PLA2R1: variants seen among roughly 807,000 people sequenced by gnomAD.
PLA2R1 encodes the protein secretory phospholipase A2 receptor.
A neutral mutation model predicts 195.9 loss-of-function variants in PLA2R1; 158 were observed. That is an observed-to-expected ratio of 0.81 (90% CI 0.71 to 0.92). The LOEUF is 0.92. PLA2R1 is among the 40% of genes least tolerant of loss of function. The pLI, the probability that PLA2R1 is intolerant of heterozygous loss-of-function variation, is 0.00. For synonymous variants in PLA2R1, 586 were observed against 598.2 expected, an observed-to-expected ratio of 0.98 and a Z score of 0.30; for missense variants, 1,626 against 1,764.6, an observed-to-expected ratio of 0.92 and a Z score of 1.41.
intron 10 of PLA2R1, among the ~76,000 whole-genome samples, chr2:160,011,094 G>T (rs1041704386): frequency 6.6e-6 from 1 of 152,184 alleles, no homozygotes; most frequent in African/African-American, 2.4e-5. Flanking sequence ...GTTTACCAGA[G>T]AAAACATTTA....
chr2:160,035,668 G>T (rs906163781), intron 3 of PLA2R1, among the ~76,000 whole-genome samples: 3 of 152,282 alleles, frequency 2.0e-5, no homozygotes, highest in East Asian at 3.9e-4. Context: ...TGTGATGAGA[G>T]ATTACCAGAA....
chr2:159,994,603 T>C (rs1354903417), intron 11 of PLA2R1, among the ~76,000 whole-genome samples: 1 of 152,076 alleles, frequency 6.6e-6, no homozygotes, highest in Non-Finnish European at 1.5e-5. Flanking sequence ...CTGAAATGTT[T>C]ATGGATGAAA....
intron 11 of PLA2R1, among the ~76,000 whole-genome samples, chr2:159,991,180 C>A (rs1690763412): frequency 6.6e-6 from 1 of 152,202 alleles, no homozygotes; most frequent in Admixed American, 6.5e-5. Context: ...AGCTCTCTTG[C>A]ATCCCTCTGA....
At chr2:160,046,015 A>T (rs1694841336) in intron 1 of PLA2R1, among the ~76,000 whole-genome samples, 1 of 152,202 alleles carries the variant, frequency 6.6e-6, no homozygotes, top group South Asian at 2.1e-4. Flanking sequence ...CCAGCTGGGG[A>T]ATACATGTTA....
intron 11 of PLA2R1, among the ~76,000 whole-genome samples, chr2:159,993,614 G>T (rs1214652346): frequency 6.6e-6 from 1 of 151,894 alleles, no homozygotes; most frequent in Non-Finnish European, 1.5e-5. Flanking sequence ...TGCAATGGAT[G>T]CTTCTAGGTC....
At chr2:159,925,943 T>G in the PLA2R1 span, among the ~76,000 whole-genome samples, 3 of 152,302 alleles carry the variant, frequency 2.0e-5, no homozygotes, top group South Asian at 6.2e-4. Context: ...CCTGAACCCC[T>G]GATTTGATGT....
chr2:159,959,470 C>A (rs1688300376), intron 20 of PLA2R1, among the ~76,000 whole-genome samples: 1 of 152,140 alleles, frequency 6.6e-6, no homozygotes, highest in Non-Finnish European at 1.5e-5. Flanking sequence ...GGCAAAGCAG[C>A]AAGATGAAGT....
intron 10 of PLA2R1, among the ~76,000 whole-genome samples, chr2:160,010,621 A>G (rs1692295183): frequency 6.6e-6 from 1 of 152,220 alleles, no homozygotes; most frequent in South Asian, 2.1e-4. Context: ...ATGGAAGAAA[A>G]TGATTACCAT....
intron 11 of PLA2R1, among the ~76,000 whole-genome samples, chr2:160,004,572 C>G (rs10166180): frequency 0.086 from 13,080 of 152,174 alleles, 1,642 homozygotes; most frequent in African/African-American, 0.27. Context: ...ATAAAGAGCT[C>G]CGGGCCTTCA....
rs947406085 is a variant in PLA2R1, at chr2:159,957,629, A to G, written c.2905-1002T>C. ...TGGCCTCCCAAAGAGTTGGGATTAC[A>G]GGTGTGAGCCACTGCGCCCTGCCAC... On this transcript the variant is annotated intron_variant, in intron 20 of 29. Coordinates refer to ENST00000283243, the MANE Select transcript of PLA2R1 (RefSeq NM_007366.5). Among the ~76,000 whole-genome samples, 7 of 152,308 alleles carry G rather than the reference A, an allele frequency of 4.6e-5. No homozygotes were observed. In the South Asian group the frequency reaches 1.5e-3, roughly 32 times the overall value.
chr2:160,059,035 A>G (rs979111434), intron 1 of PLA2R1, among the ~76,000 whole-genome samples: 2 of 152,186 alleles, frequency 1.3e-5, no homozygotes, highest in Non-Finnish European at 2.9e-5. Context: ...ACAGTGACAG[A>G]TCATCAGGCA....
At chr2:160,036,188 C>T (rs1423542205) in intron 3 of PLA2R1, among the ~76,000 whole-genome samples, 1 of 152,200 alleles carries the variant, frequency 6.6e-6, no homozygotes, top group Non-Finnish European at 1.5e-5. Context: ...GAGACCATTA[C>T]ATCTACCTAC....
intron 6 of PLA2R1, 42 bp downstream of exon 6, chr2:160,028,176 A>C: frequency 7.3e-7 from 1 of 1,364,076 alleles, no homozygotes; most frequent in Non-Finnish European, 1.0e-6. Flanking sequence ...TGAGAGGACA[A>C]GTCAACAACA....
rs151256168 is a variant in PLA2R1 at position 160,000,960 on chromosome 2, G to T, written c.1834+4692C>A. Among the ~76,000 whole-genome samples the T allele has an allele frequency of 5.6e-3, 849 of 152,144 alleles. 7 individuals are homozygous for T. Among genetic ancestry groups the T allele is most frequent in the African/African-American group, 0.02 (816 of 41,526 alleles). Reference sequence around the variant, plus strand: ...GATAAAAGGAAATATTAGAATGAATGGGGAGAGGCAGTATTTGAAGAGATA... The same window carrying T: ...GATAAAAGGAAATATTAGAATGAATTGGGAGAGGCAGTATTTGAAGAGATA... On this transcript the variant is annotated intron_variant, in intron 11 of 29. Coordinates refer to ENST00000283243, the MANE Select transcript of PLA2R1 (RefSeq NM_007366.5).
intron 13 of PLA2R1, among the ~76,000 whole-genome samples, chr2:159,982,331 G>A (rs1480299202): frequency 6.6e-6 from 1 of 152,162 alleles, no homozygotes; most frequent in African/African-American, 2.4e-5. Context: ...CAGCAGCTCT[G>A]GTGTGAGGCC....
intron 11 of PLA2R1, among the ~76,000 whole-genome samples, chr2:159,989,265 A>G (rs1690585399): frequency 6.6e-6 from 1 of 152,188 alleles, no homozygotes; most frequent in South Asian, 2.1e-4. Flanking sequence ...CCTGTTGAAT[A>G]ATTTCAGAAT....
At chr2:160,021,197 AT>A (rs1693086695) in intron 7 of PLA2R1, among the ~76,000 whole-genome samples, 1 of 152,184 alleles carries the variant, frequency 6.6e-6, no homozygotes, top group Non-Finnish European at 1.5e-5. Context: ...TTAGTACAAC[AT>A]TTATGGAAAA....
chr2:159,987,433 T>C, intron 11 of PLA2R1, 75 bp from the exon 12 acceptor site: 1 of 1,017,888 alleles, frequency 9.8e-7, no homozygotes, highest in Middle Eastern at 3.1e-4. Context: ...CTCTTTAGAG[T>C]GTTGAATAAT....
intron 11 of PLA2R1, among the ~76,000 whole-genome samples, chr2:159,999,765 T>A (rs1691467654): frequency 2.0e-5 from 3 of 152,132 alleles, no homozygotes; most frequent in Non-Finnish European, 2.9e-5. Flanking sequence ...AAAAAATTTT[T>A]AAAAACACAG....
Sources: allele counts gnomAD v4.1 joint callset (sites outside exome capture counted in the v4.1 genomes callset), GRCh38; gene constraint gnomAD v4.1.1; transcripts MANE v1.5; gene names NCBI Gene and HGNC (gene_info 2026-07-23, HGNC 2026-07-21).